Variants in HMGN3 observed in about 807,000 individuals in gnomAD.
HMGN3 encodes high mobility group nucleosomal binding domain 3.
In HMGN3, 6 loss-of-function variants were observed where a neutral mutation model predicts 18.8. The ratio of observed to expected loss-of-function variants is 0.32; its 90% CI spans 0.18 to 0.63. HMGN3 has a LOEUF of 0.63. HMGN3 is among the 30% of genes least tolerant of loss of function. HMGN3 has a pLI of 0.79. For synonymous variants in HMGN3, 40 were observed against 36.5 expected, an observed-to-expected ratio of 1.10 and a Z score of -0.35; for missense variants, 107 against 114.2, an observed-to-expected ratio of 0.94 and a Z score of 0.29.
At chr6:79,220,946 G>A (rs1182613199) in intron 1 of HMGN3, among the ~76,000 whole-genome samples, 2 of 152,026 alleles carry the variant, frequency 1.3e-5, no homozygotes, top group East Asian at 1.9e-4. Flanking sequence ...TTTCTAAAAA[G>A]GCCTGAAATG....
At chr6:79,210,476 C>T (rs1036513807) in intron 2 of HMGN3, among the ~76,000 whole-genome samples, 24 of 152,308 alleles carry the variant, frequency 1.6e-4, no homozygotes, top group African/African-American at 4.6e-4. Context: ...GGTCTTGCCT[C>T]ACGTTCACCT....
At chr6:79,223,467 C>T (rs981895087) in intron 1 of HMGN3, among the ~76,000 whole-genome samples, 2 of 151,990 alleles carry the variant, frequency 1.3e-5, no homozygotes, top group Admixed American at 6.6e-5. Flanking sequence ...GCCGAGATCG[C>T]GCCACTGCAT....
intron 1 of HMGN3, among the ~76,000 whole-genome samples, chr6:79,224,982 T>C (rs1777495583): frequency 6.6e-6 from 1 of 152,308 alleles, no homozygotes; most frequent in East Asian, 1.9e-4. Flanking sequence ...AAAATTGTAA[T>C]TAAGGGGTAA....
intron 1 of HMGN3, 61 bp downstream of exon 1, chr6:79,234,485 G>C: frequency 6.5e-7 from 1 of 1,546,518 alleles, no homozygotes; most frequent in Non-Finnish European, 8.9e-7. Context: ...CCATTGCAAT[G>C]CCAGCATTTA....
chr6:79,224,340 G>A (rs1335634279), intron 1 of HMGN3, among the ~76,000 whole-genome samples: 1 of 152,132 alleles, frequency 6.6e-6, no homozygotes, highest in Non-Finnish European at 1.5e-5. Flanking sequence ...AAGAGCAAAA[G>A]CCTTCCAGCT....
At chr6:79,202,862 C>T (rs1208231267) in intron 4 of HMGN3, among the ~76,000 whole-genome samples, 1 of 152,124 alleles carries the variant, frequency 6.6e-6, no homozygotes, top group Non-Finnish European at 1.5e-5. Context: ...AAATGAAGCC[C>T]AGATGAAGAA....
In HMGN3 at chr6:79,203,585, C is replaced by G. The variant is rs139595568; in HGVS notation, c.142G>C (p.Ala48Pro). ...TGGGAAACAGCACTTCTTACCTTAG[C>G]AGATGTTTTTCTTGGTTTGGGTTCA... Residue 48 changes from alanine (A) to proline (P), a missense_variant, in exon 4 of 6, where the codon GCT becomes CCT. Transcript: ENST00000344726. 219 of 1,612,774 alleles carry G rather than the reference C, an allele frequency of 1.4e-4. No individual in the cohort carries two copies. The African/African-American group carries it at 2.4e-3, about 18-fold the overall frequency.
chr6:79,215,133 T>C, intron 1 of HMGN3, 111 bp from the exon 2 acceptor site: 1 of 680,248 alleles, frequency 1.5e-6, no homozygotes, highest in Non-Finnish European at 2.5e-6. Flanking sequence ...ACAGATTTTT[T>C]TGCAAAGAAA....
intron 3 of HMGN3, among the ~76,000 whole-genome samples, chr6:79,208,155 C>T (rs1043783194): frequency 2.0e-5 from 3 of 152,188 alleles, no homozygotes; most frequent in Non-Finnish European, 2.9e-5. Context: ...TGGACTCAGA[C>T]AACTTTCAGA....
intron 5 of HMGN3, 47 bp downstream of exon 5, chr6:79,202,229 C>T: frequency 6.2e-7 from 1 of 1,613,294 alleles, no homozygotes; most frequent in South Asian, 1.1e-5. Context: ...TGAGAAATTT[C>T]TTTAAAGACA....
intron 5 of HMGN3, chr6:79,202,072 T>C: frequency 2.6e-6 from 4 of 1,537,654 alleles, no homozygotes; most frequent in African/African-American, 1.4e-5. Flanking sequence ...CTCTCACTGT[T>C]TCAATCTGCC....
At chr6:79,208,696 A>C in intron 2 of HMGN3, 120 bp from the exon 3 acceptor site, 1 of 813,754 alleles carries the variant, frequency 1.2e-6, no homozygotes, top group Non-Finnish European at 2.2e-6. Flanking sequence ...TATGATTCCC[A>C]TCACCTTCTC....
At chr6:79,223,495 A>T (rs918320077) in intron 1 of HMGN3, among the ~76,000 whole-genome samples, 1 of 152,078 alleles carries the variant, frequency 6.6e-6, no homozygotes, top group Non-Finnish European at 1.5e-5. Flanking sequence ...TGGGTGACAG[A>T]GCGAGACTCT....
At chr6:79,210,843 CA>C (rs1776651121) in intron 2 of HMGN3, among the ~76,000 whole-genome samples, 1 of 151,952 alleles carries the variant, frequency 6.6e-6, no homozygotes, top group Non-Finnish European at 1.5e-5. Flanking sequence ...CTGAACATAC[CA>C]AATAGACTAA....
At chr6:79,231,865 T>C (rs193009232) in intron 1 of HMGN3, among the ~76,000 whole-genome samples, 3 of 152,348 alleles carry the variant, frequency 2.0e-5, no homozygotes, top group Admixed American at 2.0e-4. Context: ...TGTTTTGTGC[T>C]GCTAGTCTTA....
chr6:79,218,050 C>A (rs1054331394), intron 1 of HMGN3, among the ~76,000 whole-genome samples: 12 of 152,304 alleles, frequency 7.9e-5, no homozygotes, highest in African/African-American at 2.9e-4. Flanking sequence ...ATAAAAAGGT[C>A]TCATGCACGT....
chr6:79,224,852 G>C (rs13209338), intron 1 of HMGN3, among the ~76,000 whole-genome samples: 1 of 152,020 alleles, frequency 6.6e-6, no homozygotes, highest in Non-Finnish European at 1.5e-5. Flanking sequence ...CTGTTTGCTC[G>C]GACATACATT....
At chr6:79,234,656 C>G (rs1035961463) in exon 1 of HMGN3, 1 of 1,254,224 alleles carries the variant, frequency 8.0e-7, no homozygotes, top group African/African-American at 1.5e-5. Context: ...TGCTCACGCG[C>G]AGGGCACGAC....
At chr6:79,217,885 C>A (rs952153982) in intron 1 of HMGN3, among the ~76,000 whole-genome samples, 2 of 152,162 alleles carry the variant, frequency 1.3e-5, no homozygotes, top group African/African-American at 4.8e-5. Context: ...GTACTTCAAC[C>A]TCCTGGCAGG....
Sources: allele counts gnomAD v4.1 joint callset (sites outside exome capture counted in the v4.1 genomes callset), GRCh38; gene constraint gnomAD v4.1.1; transcripts MANE v1.5; gene names NCBI Gene and HGNC (gene_info 2026-07-23, HGNC 2026-07-21).